Variants in STK17A observed in about 807,000 individuals in gnomAD.
The protein encoded by STK17A is serine/threonine-protein kinase 17A.
In STK17A, 26 loss-of-function variants were observed where a neutral mutation model predicts 43.7. The ratio of observed to expected loss-of-function variants is 0.60; its 90% CI spans 0.44 to 0.83. The LOEUF is 0.83. STK17A is among the 40% of genes least tolerant of loss of function. The probability of loss-of-function intolerance (pLI) is 0.00; values close to 1 mark genes in which losing one functional copy is unlikely to be tolerated. For missense variants in STK17A, 476 were observed against 511.6 expected, an observed-to-expected ratio of 0.93 and a Z score of 0.67; for synonymous variants, 191 against 182.5, an observed-to-expected ratio of 1.05 and a Z score of -0.38.
intron 2 of STK17A, among the ~76,000 whole-genome samples, chr7:43,597,993 A>G (rs13242059): frequency 2.0e-5 from 3 of 152,140 alleles, no homozygotes; most frequent in Non-Finnish European, 4.4e-5. Flanking sequence ...ATAACTATAT[A>G]CCATAAATTG....
At chr7:43,599,005 TC>T (rs2082539489) in intron 2 of STK17A, among the ~76,000 whole-genome samples, 1 of 152,232 alleles carries the variant, frequency 6.6e-6, no homozygotes. Context: ...CCTCAGGTGA[TC>T]CACCTGCCTT....
At chr7:43,617,340 C>A (rs2083446921) in intron 3 of STK17A, among the ~76,000 whole-genome samples, 1 of 152,136 alleles carries the variant, frequency 6.6e-6, no homozygotes, top group Admixed American at 6.5e-5. Flanking sequence ...AAAACAGATC[C>A]TAGCAAACCT....
Position 43,583,332 on chromosome 7 carries a change from C to A in STK17A, c.89C>A (p.Pro30Gln). ...CGGGCAGGCCGGGGTCTGAGCGGGC[C>A]GTGCCGGCCGCCGCCGCCGCCCCAG... ...SGRAGRGLSG[P>Q]CRPPPPPQAR... The change falls in exon 1 of 7, where the codon CCG (proline) becomes CAG (glutamine). Residue 30 changes from proline (P) to glutamine (Q), a missense_variant. Around this residue, in one of 3 missense-constraint regions of STK17A, gnomAD observed 320 missense variants for 326.3 expected, o/e 0.98. Transcript: ENST00000319357. 2.1e-6 allele frequency: 3 copies of A among 1,444,162 alleles called. No homozygotes were observed. Among genetic ancestry groups the A allele is most frequent in the Non-Finnish European group, 2.7e-6 (3 of 1,097,522 alleles). 89.5% of individuals were successfully genotyped at this position (1,444,162 alleles called of 1,614,324 possible).
intron 3 of STK17A, 58 bp downstream of exon 3, chr7:43,608,458 A>T: frequency 6.5e-6 from 10 of 1,543,974 alleles, no homozygotes; most frequent in Non-Finnish European, 7.9e-6. Flanking sequence ...GACATAAAAT[A>T]TTTAACAGTG....
At chr7:43,616,458 A>AG (rs528780415) in intron 3 of STK17A, among the ~76,000 whole-genome samples, 1 of 152,218 alleles carries the variant, frequency 6.6e-6, no homozygotes, top group Non-Finnish European at 1.5e-5. Context: ...CAGTGACAAA[A>AG]GAGTAATCAG....
chr7:43,585,768 C>A (rs1421405955), intron 1 of STK17A, among the ~76,000 whole-genome samples: 1 of 151,094 alleles, frequency 6.6e-6, no homozygotes, highest in African/African-American at 2.4e-5. Context: ...AAACACATAG[C>A]CTTAAGGCTG....
intron 3 of STK17A, among the ~76,000 whole-genome samples, chr7:43,616,181 G>C (rs1583668376): frequency 6.6e-6 from 1 of 152,248 alleles, no homozygotes; most frequent in South Asian, 2.1e-4. Context: ...TAATTTTCCA[G>C]GGCAGAATTA....
intron 4 of STK17A, among the ~76,000 whole-genome samples, chr7:43,622,013 AGGGGCTAGT>A (rs2083947810): frequency 6.6e-6 from 1 of 152,180 alleles, no homozygotes; most frequent in South Asian, 2.1e-4. Context: ...GTCCATAAAA[AGGGGCTAGT>A]AATAGTACCG....
chr7:43,586,440 A>T (rs192556145), intron 1 of STK17A, among the ~76,000 whole-genome samples: 1 of 151,654 alleles, frequency 6.6e-6, no homozygotes, highest in Admixed American at 6.6e-5. Flanking sequence ...AGCGTAAATA[A>T]GGGTAAATAT....
At position 43,624,919 on chromosome 7, in the gene STK17A, T is replaced by C. The variant is rs917902473; in HGVS notation, c.*77T>C. Reference sequence around the variant, plus strand: ...TATTTATGGACCTCTGGCCAAATGGTACATGTACTGGAAGTGGATAACCAG... The same window carrying C: ...TATTTATGGACCTCTGGCCAAATGGCACATGTACTGGAAGTGGATAACCAG... On this transcript the variant is annotated 3_prime_UTR_variant, in exon 7 of 7. Transcript: ENST00000319357. The C allele has an allele frequency of 7.9e-7, 1 of 1,271,838 alleles. No individual in the cohort carries two copies. The highest frequency in any genetic ancestry group is 1.1e-6 in the Non-Finnish European group (1 of 924,588). The allele number at this position is 1,271,838 out of a possible 1,614,324, so 78.8% of individuals were successfully genotyped here. A position where few individuals can be genotyped will look rare whatever the true frequency, so the allele number is the denominator to read the frequency against.
chr7:43,610,842 C>T (rs183054488), intron 3 of STK17A, among the ~76,000 whole-genome samples: 10 of 148,308 alleles, frequency 6.7e-5, no homozygotes, highest in Admixed American at 2.0e-4. Flanking sequence ...ACAGGCTGGG[C>T]GCAGTGGCTC....
At chr7:43,596,957 G>T (rs2082520045) in intron 2 of STK17A, among the ~76,000 whole-genome samples, 1 of 150,918 alleles carries the variant, frequency 6.6e-6, no homozygotes, top group Non-Finnish European at 1.5e-5. Context: ...GAGTCCAGGA[G>T]TTTGAGATCA....
intron 2 of STK17A, among the ~76,000 whole-genome samples, chr7:43,604,882 C>CCT (rs954168483): frequency 6.6e-6 from 1 of 151,510 alleles, no homozygotes; most frequent in Non-Finnish European, 1.5e-5. Context: ...TTTTTCCCTC[C>CCT]CTCTCTCTCT....
At chr7:43,603,638 C>T (rs887080946) in intron 2 of STK17A, among the ~76,000 whole-genome samples, 4 of 152,078 alleles carry the variant, frequency 2.6e-5, no homozygotes, top group African/African-American at 9.7e-5. Flanking sequence ...AGATGCTGAC[C>T]ACAGCTGATA....
intron 1 of STK17A, among the ~76,000 whole-genome samples, chr7:43,585,909 A>G (rs1477436990): frequency 6.6e-6 from 1 of 151,656 alleles, no homozygotes; most frequent in Non-Finnish European, 1.5e-5. Flanking sequence ...GGCAAAAGTA[A>G]TGAAGTCACA....
chr7:43,590,236 G>A (rs1008627181), intron 1 of STK17A, among the ~76,000 whole-genome samples: 3 of 151,250 alleles, frequency 2.0e-5, no homozygotes, highest in African/African-American at 7.3e-5. Flanking sequence ...ATGAGCCACC[G>A]TGCCCAACCA....
intron 3 of STK17A, among the ~76,000 whole-genome samples, chr7:43,611,409 T>C (rs1326897380): frequency 6.6e-6 from 1 of 152,208 alleles, no homozygotes; most frequent in Non-Finnish European, 1.5e-5. Context: ...CAGGACCCAG[T>C]AGCCACATGG....
chr7:43,608,227 T>C (rs1310666737), intron 2 of STK17A, 29 bp from the exon 3 acceptor site: 6 of 1,595,710 alleles, frequency 3.8e-6, no homozygotes, highest in East Asian at 2.2e-5. Flanking sequence ...TTATGAGTTA[T>C]ATATTACTTT....
chr7:43,623,524 G>C, intron 4 of STK17A, 48 bp from the exon 5 acceptor site: 1 of 1,548,270 alleles, frequency 6.5e-7, no homozygotes, highest in Non-Finnish European at 8.8e-7. Context: ...AGCAAATTAG[G>C]AATTTTTTTC....
Sources: allele counts gnomAD v4.1 joint callset (sites outside exome capture counted in the v4.1 genomes callset), GRCh38; gene constraint gnomAD v4.1.1; regional missense constraint gnomAD v4.1.1; transcripts MANE v1.5; gene names NCBI Gene and HGNC (gene_info 2026-07-23, HGNC 2026-07-21).